Variants in RAI2 observed in about 807,000 individuals in gnomAD.
The protein encoded by RAI2 is retinoic acid induced 2.
A neutral mutation model predicts 15.3 loss-of-function variants in RAI2; 5 were observed. That is an observed-to-expected ratio of 0.33 (90% CI 0.17 to 0.69). RAI2 has a LOEUF of 0.69. RAI2 is among the 30% of genes least tolerant of loss of function. The pLI, the probability that RAI2 is intolerant of heterozygous loss-of-function variation, is 0.69. For synonymous variants in RAI2, 191 were observed against 184.0 expected, an observed-to-expected ratio of 1.04 and a Z score of -0.31; for missense variants, 424 against 424.7, an observed-to-expected ratio of 1.00 and a Z score of 0.01.
intron 1 of RAI2, among the ~76,000 whole-genome samples, chrX:17,838,758 C>T (rs1160941561): frequency 9.0e-6 from 1 of 111,300 alleles, no homozygotes; most frequent in Non-Finnish European, 1.9e-5. Flanking sequence ...ACCACATGCA[C>T]TCACGTCCCA....
chrX:17,815,630 G>A (rs1241567307), intron 1 of RAI2, among the ~76,000 whole-genome samples: 1 of 111,548 alleles, frequency 9.0e-6, no homozygotes, highest in Non-Finnish European at 1.9e-5. Flanking sequence ...GTGTGTCTGG[G>A]GCAGGCTAGT....
At chrX:17,853,163 G>A (rs895123978) in intron 1 of RAI2, among the ~76,000 whole-genome samples, 4 of 111,128 alleles carry the variant, frequency 3.6e-5, no homozygotes, top group Non-Finnish European at 7.5e-5. Context: ...AAAAACCAGA[G>A]AAGCCACTAG....
At chrX:17,806,200 G>C (rs910137385) in intron 1 of RAI2, among the ~76,000 whole-genome samples, 1 of 111,410 alleles carries the variant, frequency 9.0e-6, no homozygotes, top group East Asian at 2.8e-4. Flanking sequence ...GAAGGTGGAG[G>C]CCCATCTCCC....
chrX:17,800,879 G>A lies in RAI2; in HGVS notation c.1132C>T (p.Leu378Phe). 8.3e-7 allele frequency: 1 copy of A among 1,211,615 alleles called. No individual in the cohort carries two copies. Among genetic ancestry groups the A allele is most frequent in the Non-Finnish European group, 1.1e-6 (1 of 895,447 alleles). ...DSSGHTVMEK[L>F]PSGMEISFAP... is the part of the protein sequence containing the mutation. The stretch of plus-strand genomic sequence containing the variant: ...AAAGAAATTTCCATGCCACTGGGAA[G>A]TTTCTCCATCACTGTGTGACCTGAG... The change falls in exon 2 of 2, where the codon CTT (leucine) becomes TTT (phenylalanine). Residue 378 changes from leucine to phenylalanine, a missense_variant. Physicochemically the swap from Leu to Phe is conservative, Grantham distance 22. Coordinates refer to ENST00000451717, the MANE Select transcript of RAI2 (RefSeq NM_021785.6).
At chrX:17,838,190 T>G (rs948032032) in intron 1 of RAI2, among the ~76,000 whole-genome samples, 1 of 112,293 alleles carries the variant, frequency 8.9e-6, no homozygotes, top group Non-Finnish European at 1.9e-5. Context: ...TGACTAGAAA[T>G]GGGCTCAAGG....
chrX:17,858,905 T>C (rs1368586150), intron 1 of RAI2, among the ~76,000 whole-genome samples: 1 of 111,637 alleles, frequency 9.0e-6, no homozygotes, highest in Non-Finnish European at 1.9e-5. Context: ...GGTGCCAAAG[T>C]AGTCACTACC....
At chrX:17,811,419 T>C (rs988595467) in intron 1 of RAI2, among the ~76,000 whole-genome samples, 4 of 112,330 alleles carry the variant, frequency 3.6e-5, no homozygotes, top group Non-Finnish European at 7.5e-5. Context: ...TGGGCCAAGG[T>C]CTATCATCTT....
At chrX:17,811,321 C>T (rs2067047553) in intron 1 of RAI2, among the ~76,000 whole-genome samples, 1 of 111,987 alleles carries the variant, frequency 8.9e-6, no homozygotes, top group South Asian at 3.8e-4. Flanking sequence ...CCCTACAGTT[C>T]GGTTGGACAC....
At chrX:17,828,329 T>C (rs918826395) in intron 1 of RAI2, among the ~76,000 whole-genome samples, 13 of 108,904 alleles carry the variant, frequency 1.2e-4, no homozygotes, top group East Asian at 5.8e-4. Flanking sequence ...TGCCTCCCTC[T>C]CTCTCCTGAT....
rs766288694 is a variant in RAI2, at chrX:17,845,536, C to A, written c.-25+15562G>T. Among the ~76,000 whole-genome samples, 11 of 112,550 alleles carry A rather than the reference C, an allele frequency of 9.8e-5. No homozygotes were observed. In the East Asian group the frequency reaches 2.5e-3, roughly 26 times the overall value. On this transcript the variant is annotated intron_variant, in intron 1 of 1. Coordinates refer to ENST00000451717, the MANE Select transcript of RAI2 (RefSeq NM_021785.6). ...CAACAGGAAAAATCCCTTTCATTAG[C>A]TTCCTACTCCAAGCTCTCCACTTTG...
chrX:17,813,453 T>C (rs1397134989), intron 1 of RAI2, among the ~76,000 whole-genome samples: 2 of 111,170 alleles, frequency 1.8e-5, no homozygotes, highest in Non-Finnish European at 3.8e-5. Context: ...TATAATTGAG[T>C]CATTTCAGAT....
intron 1 of RAI2, among the ~76,000 whole-genome samples, chrX:17,825,597 G>C: frequency 8.9e-6 from 1 of 112,586 alleles, no homozygotes; most frequent in Non-Finnish European, 1.9e-5. Context: ...TCCAGGGGCT[G>C]TGCATGTGTG....
intron 1 of RAI2, among the ~76,000 whole-genome samples, chrX:17,823,526 CAAGTCTA>C (rs1242244168): frequency 9.0e-6 from 1 of 111,558 alleles, no homozygotes; most frequent in Non-Finnish European, 1.9e-5. Flanking sequence ...TAACTATCAT[CAAGTCTA>C]AAGTGACAAG....
chrX:17,835,122 C>T (rs922999036), intron 1 of RAI2, among the ~76,000 whole-genome samples: 5 of 111,768 alleles, frequency 4.5e-5, no homozygotes, highest in East Asian at 2.8e-4. Flanking sequence ...ATTGTTCTTC[C>T]GCTCAAATGT....
intron 1 of RAI2, among the ~76,000 whole-genome samples, chrX:17,826,091 T>C (rs962532432): frequency 8.9e-6 from 1 of 112,692 alleles, no homozygotes; most frequent in Non-Finnish European, 1.9e-5. Flanking sequence ...AGCCAAGCCC[T>C]ACAAAGCCCT....
At chrX:17,857,318 G>A (rs2067622915) in intron 1 of RAI2, among the ~76,000 whole-genome samples, 1 of 111,650 alleles carries the variant, frequency 9.0e-6, no homozygotes, top group Admixed American at 9.4e-5. Flanking sequence ...AGCTCCCTCG[G>A]TGGCTCCAGA....
At chrX:17,834,698 C>A (rs1169670984) in intron 1 of RAI2, among the ~76,000 whole-genome samples, 2 of 110,523 alleles carry the variant, frequency 1.8e-5, no homozygotes, top group Admixed American at 9.7e-5. Flanking sequence ...AAGCTTGGAT[C>A]ATATGGGAAG....
chrX:17,821,410 G>A (rs983093496), intron 1 of RAI2, among the ~76,000 whole-genome samples: 2 of 111,000 alleles, frequency 1.8e-5, no homozygotes, highest in Non-Finnish European at 3.8e-5. Flanking sequence ...GAGTGACAGG[G>A]AGCAGGGTGT....
intron 1 of RAI2, among the ~76,000 whole-genome samples, chrX:17,805,594 C>T (rs970457692): frequency 8.9e-6 from 1 of 112,577 alleles, no homozygotes. Context: ...ACTCAAGTCT[C>T]TGGGAAAAAC....
Sources: gnomAD v4.1 joint callset for allele counts (sites outside exome capture counted in the v4.1 genomes callset) on GRCh38, gnomAD v4.1.1 for gene constraint, MANE v1.5 for transcripts, NCBI Gene and HGNC (gene_info 2026-07-23, HGNC 2026-07-21) for gene names.